The following SLC35F1 variants were observed in gnomAD, a reference collection of about 807,000 sequenced individuals.
SLC35F1 encodes the protein solute carrier family 35 member F1, also known as chromosome 6 open reading frame 169.
In SLC35F1, 14 loss-of-function variants were observed where a neutral mutation model predicts 48.7. The ratio of observed to expected loss-of-function variants is 0.29; its 90% CI spans 0.19 to 0.45. The LOEUF (loss-of-function observed/expected upper bound fraction) is 0.45, where lower values mean the gene tolerates loss of function less well. Ranked by LOEUF, SLC35F1 falls within the 20% of genes least tolerant of loss-of-function variation. The pLI is 1.00. For synonymous variants in SLC35F1, 190 were observed against 202.2 expected, an observed-to-expected ratio of 0.94 and a Z score of 0.51; for missense variants, 404 against 500.0, an observed-to-expected ratio of 0.81 and a Z score of 1.83.
intron 1 of SLC35F1, among the ~76,000 whole-genome samples, chr6:118,151,036 C>G (rs1774049328): frequency 6.6e-6 from 1 of 152,112 alleles, no homozygotes; most frequent in Non-Finnish European, 1.5e-5. Flanking sequence ...TCTTGTCAGT[C>G]CTCATTCTCT....
chr6:118,020,197 T>C (rs1406143219), intron 1 of SLC35F1, among the ~76,000 whole-genome samples: 2 of 152,198 alleles, frequency 1.3e-5, no homozygotes, highest in Non-Finnish European at 2.9e-5. Flanking sequence ...AGGCTGGCCT[T>C]TGACACATCT....
At chr6:118,168,157 A>G (rs1774346997) in intron 2 of SLC35F1, among the ~76,000 whole-genome samples, 1 of 152,076 alleles carries the variant, frequency 6.6e-6, no homozygotes, top group Admixed American at 6.6e-5. Context: ...TCTTGCCCCA[A>G]CTATCTCTCT....
intron 1 of SLC35F1, among the ~76,000 whole-genome samples, chr6:118,109,655 A>T (rs1773372111): frequency 6.6e-6 from 1 of 151,030 alleles, no homozygotes; most frequent in Admixed American, 6.6e-5. Flanking sequence ...ATTTGCTGGA[A>T]AAAAAAAAGC....
chr6:118,288,903 G>C (rs969209859), intron 7 of SLC35F1, among the ~76,000 whole-genome samples: 3 of 152,020 alleles, frequency 2.0e-5, no homozygotes, highest in African/African-American at 7.2e-5. Context: ...CCCACAAAAC[G>C]GTAGTACAAT....
chr6:118,119,023 A>G (rs1218934540), intron 1 of SLC35F1, among the ~76,000 whole-genome samples: 2 of 151,778 alleles, frequency 1.3e-5, no homozygotes, highest in Non-Finnish European at 2.9e-5. Context: ...TTTAGACAGA[A>G]GTTCCTCCAA....
chr6:118,300,978 T>C (rs1022493315), intron 7 of SLC35F1, among the ~76,000 whole-genome samples: 2 of 152,174 alleles, frequency 1.3e-5, no homozygotes, highest in Admixed American at 6.5e-5. Flanking sequence ...CTGTGTTCCA[T>C]TGCTCTGTGG....
At chr6:118,111,872 C>T (rs1177412258) in intron 1 of SLC35F1, among the ~76,000 whole-genome samples, 4 of 152,186 alleles carry the variant, frequency 2.6e-5, no homozygotes, top group African/African-American at 7.2e-5. Flanking sequence ...GGAATCAGAG[C>T]GATTCCATCT....
intron 1 of SLC35F1, among the ~76,000 whole-genome samples, chr6:118,074,547 C>T (rs1772790992): frequency 6.6e-6 from 1 of 152,166 alleles, no homozygotes; most frequent in East Asian, 1.9e-4. Context: ...TTCTCATGCT[C>T]AGTTCAGGAT....
At chr6:117,925,101 C>A (rs1328764295) in intron 1 of SLC35F1, among the ~76,000 whole-genome samples, 1 of 152,106 alleles carries the variant, frequency 6.6e-6, no homozygotes, top group African/African-American at 2.4e-5. Flanking sequence ...CTATCATTGA[C>A]ATTTGAGATT....
At chr6:117,938,736 A>C (rs1225823607) in intron 1 of SLC35F1, among the ~76,000 whole-genome samples, 1 of 152,210 alleles carries the variant, frequency 6.6e-6, no homozygotes, top group Admixed American at 6.5e-5. Context: ...GTTGAGTGGG[A>C]TGGCTTTGCC....
intron 1 of SLC35F1, among the ~76,000 whole-genome samples, chr6:117,947,492 G>A (rs1188013749): frequency 2.0e-5 from 3 of 152,190 alleles, no homozygotes; most frequent in African/African-American, 7.2e-5. Context: ...TCTGGCTGCT[G>A]TAAAGAAGAG....
chr6:117,949,729 T>C (rs551019560), intron 1 of SLC35F1, among the ~76,000 whole-genome samples: 1 of 152,200 alleles, frequency 6.6e-6, no homozygotes, highest in Non-Finnish European at 1.5e-5. Flanking sequence ...TCATAACCTA[T>C]CACTGTAGGT....
chr6:118,152,487 C>G (rs954915680), intron 1 of SLC35F1, among the ~76,000 whole-genome samples: 1 of 152,232 alleles, frequency 6.6e-6, no homozygotes, highest in African/African-American at 2.4e-5. Context: ...TGGTTCATCT[C>G]TGCTCCATGG....
At chr6:118,004,588 G>A (rs181739485) in intron 1 of SLC35F1, among the ~76,000 whole-genome samples, 1 of 151,990 alleles carries the variant, frequency 6.6e-6, no homozygotes, top group East Asian at 1.9e-4. Context: ...TAAAAACAGG[G>A]TCTCATGCTG....
At chr6:118,274,950 G>A (rs77134173) in intron 4 of SLC35F1, among the ~76,000 whole-genome samples, 6,078 of 152,206 alleles carry the variant, frequency 0.04, 421 homozygotes, top group African/African-American at 0.14. Context: ...TTTGTTCTAT[G>A]CCATGTTCAC....
At chr6:118,068,649 A>G (rs1772653169) in intron 1 of SLC35F1, among the ~76,000 whole-genome samples, 1 of 152,144 alleles carries the variant, frequency 6.6e-6, no homozygotes, top group African/African-American at 2.4e-5. Context: ...ACTTTTTTTC[A>G]TTATCCCCCC....
At chr6:118,269,854 A>G (rs890976300) in intron 4 of SLC35F1, among the ~76,000 whole-genome samples, 4 of 152,092 alleles carry the variant, frequency 2.6e-5, no homozygotes, top group Non-Finnish European at 5.9e-5. Flanking sequence ...TGGGCAACAC[A>G]GTGAGACCCC....
chr6:118,164,643 A>G (rs1001013245), intron 2 of SLC35F1, among the ~76,000 whole-genome samples: 1 of 152,220 alleles, frequency 6.6e-6, no homozygotes, highest in South Asian at 2.1e-4. Flanking sequence ...AATAAACTGA[A>G]TATAATATGC....
chr6:118,281,624 C>T (rs1326524118), intron 6 of SLC35F1, among the ~76,000 whole-genome samples: 1 of 152,142 alleles, frequency 6.6e-6, no homozygotes, highest in Non-Finnish European at 1.5e-5. Flanking sequence ...GATTCTACCC[C>T]TGCTGGGCTT....
Sources: gnomAD v4.1 joint callset for allele counts (sites outside exome capture counted in the v4.1 genomes callset) on GRCh38, gnomAD v4.1.1 for gene constraint, MANE v1.5 for transcripts, NCBI Gene and HGNC (gene_info 2026-07-23, HGNC 2026-07-21) for gene names.